PCDH7: variants seen among roughly 807,000 people sequenced by gnomAD.
PCDH7 encodes protocadherin 7.
PCDH7 carries 17 observed loss-of-function variants against 58.9 expected under a neutral mutation model. That is an observed-to-expected ratio of 0.29 (90% CI 0.20 to 0.43). PCDH7 has a LOEUF of 0.43. PCDH7 is among the 20% of genes least tolerant of loss of function. The probability of loss-of-function intolerance (pLI) is 1.00; values close to 1 mark genes in which losing one functional copy is unlikely to be tolerated. For missense variants in PCDH7, 1,274 were observed against 1,441.0 expected, an observed-to-expected ratio of 0.88 and a Z score of 1.88; for synonymous variants, 664 against 616.4, an observed-to-expected ratio of 1.08 and a Z score of -1.14.
chr4:30,724,638 C>G, intron 1 of PCDH7, 42 bp downstream of exon 1: 4 of 1,593,590 alleles, frequency 2.5e-6, no homozygotes, highest in African/African-American at 2.7e-5. Flanking sequence ...CCAGGGAGGG[C>G]TAATAACTCT....
At chr4:30,737,891 C>T (rs1216643210), downstream of PCDH7, among the ~76,000 whole-genome samples, 1 of 152,076 alleles carries the variant, frequency 6.6e-6, no homozygotes, top group Admixed American at 6.5e-5. Flanking sequence ...TACCCCAGAC[C>T]GGGTGTCTTA....
chr4:31,088,526 C>T, intron 3 of PCDH7, among the ~76,000 whole-genome samples: 1 of 151,998 alleles, frequency 6.6e-6, no homozygotes, highest in East Asian at 1.9e-4. Context: ...CCTTCTCTCT[C>T]CTAGGCCTCG....
chr4:31,067,112 A>G (rs527414950), intron 3 of PCDH7, among the ~76,000 whole-genome samples: 1 of 152,028 alleles, frequency 6.6e-6, no homozygotes, highest in South Asian at 2.1e-4. Flanking sequence ...CTTGGGGGAG[A>G]TCCATGCTTT....
chr4:30,945,584 C>T (rs1006044136), intron 2 of PCDH7, among the ~76,000 whole-genome samples: 11 of 151,574 alleles, frequency 7.3e-5, no homozygotes, highest in Admixed American at 2.6e-4. Flanking sequence ...GCCTACACAA[C>T]GCTTTTTTTT....
chr4:30,891,651 A>G (rs1237376578), intron 1 of PCDH7, among the ~76,000 whole-genome samples: 1 of 152,064 alleles, frequency 6.6e-6, no homozygotes, highest in Non-Finnish European at 1.5e-5. Context: ...AATGGCAGCA[A>G]CAACAAACTC....
intron 2 of PCDH7, among the ~76,000 whole-genome samples, chr4:30,943,508 AAAACC>A: frequency 6.6e-6 from 1 of 152,254 alleles, no homozygotes; most frequent in East Asian, 1.9e-4. Context: ...AAAACAAAAC[AAAACC>A]AAACCATGTT....
chr4:30,962,725 T>G (rs1748565911), intron 3 of PCDH7, among the ~76,000 whole-genome samples: 1 of 133,458 alleles, frequency 7.5e-6, no homozygotes, highest in South Asian at 2.3e-4. Context: ...GAGGCTGCAG[T>G]GAGCCATGAT....
intron 3 of PCDH7, among the ~76,000 whole-genome samples, chr4:31,023,054 C>A (rs958826270): frequency 6.6e-6 from 1 of 152,058 alleles, no homozygotes; most frequent in East Asian, 1.9e-4. Context: ...AGAGCGAAAC[C>A]GGCAAATGTT....
chr4:31,116,650 T>G (rs1225936624), intron 3 of PCDH7, among the ~76,000 whole-genome samples: 2 of 152,092 alleles, frequency 1.3e-5, no homozygotes, highest in African/African-American at 4.8e-5. Context: ...AAATGCAAGT[T>G]GAATACAGGA....
chr4:30,731,060 C>T, exon 2 of PCDH7: 1 of 1,163,264 alleles, frequency 8.6e-7, no homozygotes, highest in Non-Finnish European at 1.1e-6. Context: ...GCGGTTAGCA[C>T]CTATTAGACG....
At chr4:30,896,061 G>A (rs900762984) in intron 1 of PCDH7, among the ~76,000 whole-genome samples, 4 of 152,142 alleles carry the variant, frequency 2.6e-5, no homozygotes, top group African/African-American at 7.2e-5. Flanking sequence ...TGAGGAGGTG[G>A]AGGGGTTATT....
chr4:30,829,776 A>G (rs1228881738), intron 1 of PCDH7, among the ~76,000 whole-genome samples: 1 of 152,118 alleles, frequency 6.6e-6, no homozygotes, highest in Non-Finnish European at 1.5e-5. Context: ...ATGGCTAATA[A>G]AATGTAGGAA....
chr4:31,071,273 T>C (rs1758522634), intron 3 of PCDH7, among the ~76,000 whole-genome samples: 1 of 151,966 alleles, frequency 6.6e-6, no homozygotes, highest in African/African-American at 2.4e-5. Context: ...CAAAAACCCA[T>C]AGTCTCTGTA....
intron 1 of PCDH7, among the ~76,000 whole-genome samples, chr4:30,726,082 G>A (rs1034571833): frequency 1.3e-5 from 2 of 152,010 alleles, no homozygotes; most frequent in Non-Finnish European, 2.9e-5. Context: ...TGACATAGTG[G>A]AGTGTTTATA....
chr4:30,869,941 A>G (rs1006112813), intron 1 of PCDH7, among the ~76,000 whole-genome samples: 7 of 152,092 alleles, frequency 4.6e-5, no homozygotes, highest in Admixed American at 1.3e-4. Context: ...CCTCTCCAGC[A>G]TATGTTGTTT....
chr4:31,037,550 G>GT (rs1755524233), intron 3 of PCDH7, among the ~76,000 whole-genome samples: 1 of 152,130 alleles, frequency 6.6e-6, no homozygotes, highest in South Asian at 2.1e-4. Context: ...TGGGCCATGT[G>GT]TTATTTCTTC....
intron 1 of PCDH7, among the ~76,000 whole-genome samples, chr4:30,748,251 T>C (rs2109255269): frequency 6.6e-6 from 1 of 152,204 alleles, no homozygotes; most frequent in South Asian, 2.1e-4. Flanking sequence ...CGAGAAGGGG[T>C]GGTGAGGCCA....
chr4:30,897,394 T>C (rs1450578431), intron 1 of PCDH7, among the ~76,000 whole-genome samples: 1 of 152,200 alleles, frequency 6.6e-6, no homozygotes, highest in Non-Finnish European at 1.5e-5. Flanking sequence ...TAACTTGAAA[T>C]ATTTTCCACA....
chr4:30,780,370 G>A (rs1722618386), intron 1 of PCDH7, among the ~76,000 whole-genome samples: 1 of 152,022 alleles, frequency 6.6e-6, no homozygotes, highest in Non-Finnish European at 1.5e-5. Context: ...AGCTGGACGT[G>A]GTGGCACATG....
Sources: allele counts gnomAD v4.1 joint callset (sites outside exome capture counted in the v4.1 genomes callset), GRCh38; gene constraint gnomAD v4.1.1; transcripts MANE v1.5; gene names NCBI Gene and HGNC (gene_info 2026-07-23, HGNC 2026-07-21).